FGF12: variants seen among roughly 807,000 people sequenced by gnomAD.
The protein encoded by FGF12 is fibroblast growth factor 12.
A neutral mutation model predicts 23.6 loss-of-function variants in FGF12; 14 were observed. The ratio of observed to expected loss-of-function variants is 0.59; its 90% confidence interval spans 0.39 to 0.93. The LOEUF (loss-of-function observed/expected upper bound fraction) is 0.93, where lower values mean the gene tolerates loss of function less well. FGF12 is among the 40% of genes least tolerant of loss of function. The pLI is 0.00. For synonymous variants in FGF12, 62 were observed against 77.3 expected (o/e 0.80, Z 1.04); for missense variants, 175 against 217.8 (o/e 0.80, Z 1.24).
intron 2 of FGF12, among the ~76,000 whole-genome samples, chr3:192,484,679 C>T (rs191658214): frequency 1.7e-3 from 264 of 152,210 alleles, no homozygotes; most frequent in African/African-American, 3.3e-3. Flanking sequence ...TAAAGGTGGG[C>T]GGACCTTATG....
At chr3:192,376,508 A>G (rs2108748580) in intron 2 of FGF12, among the ~76,000 whole-genome samples, 1 of 151,908 alleles carries the variant, frequency 6.6e-6, no homozygotes, top group South Asian at 2.1e-4. Context: ...GATTACAGGC[A>G]TGTGTCACCA....
rs2249551 is a variant in FGF12, at chr3:192,407,979, A to G, written c.14-47441T>C. 0.4 allele frequency: 608,489 copies of G among 1,531,184 alleles called. 125,157 individuals are homozygous for G. Among genetic ancestry groups the G allele is most frequent in the East Asian group, 0.67 (28,968 of 43,496 alleles). The allele number at this position is 1,531,184 out of a possible 1,614,324, so 94.8% of individuals were successfully genotyped here. On this transcript the variant is annotated intron_variant, in intron 2 of 5. Transcript: ENST00000445105. ...CCCGAGGTGCTTTGAGGAGGGAGAA[A>G]GAGGGCGTCCCCTCTGGGGAGCCCA... is the stretch of plus-strand genomic sequence containing the variant.
chr3:192,493,374 C>T (rs1399092357), intron 2 of FGF12, among the ~76,000 whole-genome samples: 1 of 152,140 alleles, frequency 6.6e-6, no homozygotes, highest in Non-Finnish European at 1.5e-5. Flanking sequence ...CTAAGTGGCC[C>T]ATAAATTAAA....
chr3:192,501,373 C>T (rs1468679611), intron 2 of FGF12, among the ~76,000 whole-genome samples: 1 of 152,174 alleles, frequency 6.6e-6, no homozygotes, highest in Non-Finnish European at 1.5e-5. Flanking sequence ...TTACCATATT[C>T]TCTGCACATT....
intron 2 of FGF12, among the ~76,000 whole-genome samples, chr3:192,653,666 A>G (rs1005396957): frequency 2.6e-5 from 4 of 152,140 alleles, no homozygotes; most frequent in Non-Finnish European, 5.9e-5. Context: ...TCAAATTTTC[A>G]TTAAACCAAA....
At chr3:192,523,690 C>G (rs1229991439) in intron 2 of FGF12, among the ~76,000 whole-genome samples, 1 of 152,218 alleles carries the variant, frequency 6.6e-6, no homozygotes, top group African/African-American at 2.4e-5. Context: ...ATATTCATTT[C>G]TATTCACTGC....
chr3:192,214,522 C>T (rs1718092661), intron 4 of FGF12, among the ~76,000 whole-genome samples: 1 of 152,166 alleles, frequency 6.6e-6, no homozygotes. Flanking sequence ...CCAAATAGGT[C>T]TATATGTGTG....
At chr3:192,533,121 T>A (rs1348252514) in intron 2 of FGF12, among the ~76,000 whole-genome samples, 1 of 152,194 alleles carries the variant, frequency 6.6e-6, no homozygotes, top group Non-Finnish European at 1.5e-5. Flanking sequence ...TAAAAACTGG[T>A]TGAATACTTC....
intron 2 of FGF12, among the ~76,000 whole-genome samples, chr3:192,538,140 G>T (rs1475919729): frequency 6.6e-6 from 1 of 151,810 alleles, no homozygotes; most frequent in Non-Finnish European, 1.5e-5. Flanking sequence ...TAAAGATGGG[G>T]TTTCACCATT....
At chr3:192,698,307 A>C (rs2108727588) in intron 2 of FGF12, among the ~76,000 whole-genome samples, 1 of 152,312 alleles carries the variant, frequency 6.6e-6, no homozygotes, top group South Asian at 2.1e-4. Context: ...TTACTCAAAA[A>C]TGTATTGTTC....
intron 4 of FGF12, among the ~76,000 whole-genome samples, chr3:192,307,820 C>T (rs1038782087): frequency 6.6e-6 from 1 of 152,138 alleles, no homozygotes; most frequent in Non-Finnish European, 1.5e-5. Flanking sequence ...ACTACTGGAT[C>T]AGTCTCTCAG....
rs562649711 is a variant in FGF12 at position 192,522,153 on chromosome 3, G to C, written c.14-161615C>G. Among the ~76,000 whole-genome samples the C allele has an allele frequency of 2.4e-3, 358 of 150,232 alleles. 3 individuals carry two copies. Among genetic ancestry groups the C allele is most frequent in the African/African-American group, 8.0e-3 (326 of 40,790 alleles). Reference sequence around the variant, plus strand: ...GCGGAGCTTGCAATGAGCCGAGATCGCGCCACTGCACTCCAGCCTGGGCGA... The same window carrying C: ...GCGGAGCTTGCAATGAGCCGAGATCCCGCCACTGCACTCCAGCCTGGGCGA... On this transcript the variant is annotated intron_variant, in intron 2 of 5. Coordinates refer to ENST00000445105, the MANE Select transcript of FGF12 (RefSeq NM_004113.6).
intron 2 of FGF12, among the ~76,000 whole-genome samples, chr3:192,448,005 T>C (rs145332940): frequency 6.6e-6 from 1 of 152,352 alleles, no homozygotes; most frequent in Non-Finnish European, 1.5e-5. Flanking sequence ...CGCCCAATGT[T>C]ATGTCTTTGA....
chr3:192,158,328 CTTTCTCTTTCTTTCTTTCTTTCTT>C (rs1237284610), intron 5 of FGF12, among the ~76,000 whole-genome samples: 1 of 110,304 alleles, frequency 9.1e-6, no homozygotes, highest in Non-Finnish European at 2.0e-5. Context: ...TTCTTTCTTT[CTTTCTCTTTCTTTCTTTCTTTCTT>C]TCTTTCTTTC....
intron 2 of FGF12, among the ~76,000 whole-genome samples, chr3:192,454,342 C>T (rs1180489813): frequency 6.6e-6 from 1 of 152,150 alleles, no homozygotes; most frequent in East Asian, 1.9e-4. Flanking sequence ...CAGCCTACAT[C>T]TCTCTTAACA....
intron 2 of FGF12, among the ~76,000 whole-genome samples, chr3:192,491,379 T>C (rs928672223): frequency 2.6e-5 from 4 of 152,138 alleles, no homozygotes; most frequent in Non-Finnish European, 4.4e-5. Context: ...CTATAAAACA[T>C]AGGTACCAAA....
Position 192,494,841 on chromosome 3 carries a change from C to CATAT in FGF12, c.14-134307_14-134304dup, listed in dbSNP as rs60656064. ...TGTGGGAAGAATTGGAGGGCCTATG[C>CATAT]ATATATATATATATATATAAAATAC... On this transcript the variant is annotated intron_variant, in intron 2 of 5. Coordinates refer to ENST00000445105, the MANE Select transcript of FGF12 (RefSeq NM_004113.6). 7.3e-3 allele frequency among the ~76,000 whole-genome samples: 1,091 copies of CATAT among 150,422 alleles called. 13 individuals carry two copies. The highest frequency in any genetic ancestry group is 0.022 in the African/African-American group (879 of 40,732).
chr3:192,612,981 T>C (rs2108641209), intron 2 of FGF12, among the ~76,000 whole-genome samples: 1 of 151,836 alleles, frequency 6.6e-6, no homozygotes, highest in Non-Finnish European at 1.5e-5. Flanking sequence ...AACCACAAAC[T>C]GTGGGATAGA....
At chr3:192,368,070 A>G (rs1393780151) in intron 2 of FGF12, among the ~76,000 whole-genome samples, 1 of 152,196 alleles carries the variant, frequency 6.6e-6, no homozygotes, top group Admixed American at 6.6e-5. Flanking sequence ...TAATCGGTGC[A>G]TGCTAGTAAA....
Sources: allele counts gnomAD v4.1 joint callset (sites outside exome capture counted in the v4.1 genomes callset), GRCh38; gene constraint gnomAD v4.1.1; transcripts MANE v1.5; gene names NCBI Gene and HGNC (gene_info 2026-07-23, HGNC 2026-07-21).